CCDC7: variants seen among roughly 807,000 people sequenced by gnomAD.
CCDC7 encodes coiled-coil domain-containing protein 7.
In CCDC7, 183 loss-of-function variants were observed where a neutral mutation model predicts 196.9. The ratio of observed to expected loss-of-function variants is 0.93; its 90% CI spans 0.82 to 1.05. The LOEUF (loss-of-function observed/expected upper bound fraction) is 1.05, where lower values mean the gene tolerates loss of function less well. Among genes scored for constraint, CCDC7 ranks in the 50% least tolerant of loss-of-function variants. The pLI, the probability that CCDC7 is intolerant of heterozygous loss-of-function variation, is 0.00. For missense variants in CCDC7, 1,540 were observed against 1,482.2 expected, an observed-to-expected ratio of 1.04 and a Z score of -0.64; for synonymous variants, 525 against 484.6, an observed-to-expected ratio of 1.08 and a Z score of -1.10.
At chr10:32,734,667 G>A (rs900254915) in intron 28 of CCDC7, among the ~76,000 whole-genome samples, 1 of 152,170 alleles carries the variant, frequency 6.6e-6, no homozygotes, top group Admixed American at 6.5e-5. Flanking sequence ...GGCTGAGGCG[G>A]GCAGATTGCC....
chr10:32,767,570 A>G (rs2078514913), intron 28 of CCDC7, among the ~76,000 whole-genome samples: 3 of 151,972 alleles, frequency 2.0e-5, no homozygotes, highest in Admixed American at 2.0e-4. Context: ...TCCCTGCAGG[A>G]ACATCAAATT....
chr10:32,599,471 A>G (rs958976922), intron 18 of CCDC7, among the ~76,000 whole-genome samples: 7 of 152,026 alleles, frequency 4.6e-5, no homozygotes, highest in African/African-American at 1.7e-4. Context: ...TGTTTTCAGT[A>G]TGTTTTAAGC....
chr10:32,862,126 T>C (rs1273846985), intron 41 of CCDC7, among the ~76,000 whole-genome samples: 2 of 152,210 alleles, frequency 1.3e-5, no homozygotes, highest in Non-Finnish European at 2.9e-5. Context: ...TGTATGTTTA[T>C]TGCAGCACTA....
chr10:32,573,464 G>C (rs2057822962), intron 16 of CCDC7, among the ~76,000 whole-genome samples: 1 of 152,146 alleles, frequency 6.6e-6, no homozygotes, highest in Non-Finnish European at 1.5e-5. Context: ...ATGAAGACAT[G>C]GTAAGGCAGT....
At chr10:32,644,624 G>C (rs984260325) in intron 20 of CCDC7, among the ~76,000 whole-genome samples, 1 of 152,160 alleles carries the variant, frequency 6.6e-6, no homozygotes, top group African/African-American at 2.4e-5. Flanking sequence ...TTGTGGGAGG[G>C]ACCCAGTGGG....
At chr10:32,488,014 T>C (rs907940575) in intron 8 of CCDC7, among the ~76,000 whole-genome samples, 5 of 152,212 alleles carry the variant, frequency 3.3e-5, no homozygotes, top group Non-Finnish European at 5.9e-5. Flanking sequence ...TTCAAAGCTG[T>C]CAGACAGGGA....
At chr10:32,734,596 T>G (rs902168121) in intron 28 of CCDC7, among the ~76,000 whole-genome samples, 3 of 152,000 alleles carry the variant, frequency 2.0e-5, no homozygotes, top group Admixed American at 6.6e-5. Context: ...AAAATGAAAG[T>G]TAAAAATAAA....
At chr10:32,873,276 T>G (rs906535335) in intron 41 of CCDC7, among the ~76,000 whole-genome samples, 6 of 152,070 alleles carry the variant, frequency 3.9e-5, no homozygotes, top group Non-Finnish European at 8.8e-5. Context: ...TCGCTTCTTT[T>G]TATTCATTTG....
chr10:32,456,524 A>T (rs551570509), intron 3 of CCDC7, among the ~76,000 whole-genome samples, 190 bp downstream of exon 4: 1 of 152,172 alleles, frequency 6.6e-6, no homozygotes, highest in East Asian at 1.9e-4. Flanking sequence ...GGTTTTTACT[A>T]TGCCCAAATG....
exon 11 of CCDC7, chr10:32,518,450 T>C (rs2047390021): frequency 6.2e-7 from 1 of 1,606,608 alleles, no homozygotes; most frequent in African/African-American, 1.3e-5. Flanking sequence ...TTTCAGTTGT[T>C]ATCAGAAGAG....
At chr10:32,878,637 G>A (rs1044851679), downstream of CCDC7, among the ~76,000 whole-genome samples, 2 of 152,164 alleles carry the variant, frequency 1.3e-5, no homozygotes, top group Admixed American at 6.5e-5. Context: ...GCTACTCCCA[G>A]ATTATGAGGT....
chr10:32,764,897 T>C (rs1187437694), intron 28 of CCDC7, among the ~76,000 whole-genome samples: 1 of 152,072 alleles, frequency 6.6e-6, no homozygotes, highest in Non-Finnish European at 1.5e-5. Flanking sequence ...GTTACCATAA[T>C]GGAAATCAAA....
At chr10:32,719,348 T>A (rs1381088571) in intron 25 of CCDC7, among the ~76,000 whole-genome samples, 3 of 152,152 alleles carry the variant, frequency 2.0e-5, no homozygotes, top group Non-Finnish European at 2.9e-5. Context: ...CTGGACCCCT[T>A]CCTTACATCT....
chr10:32,768,634 A>G (rs948832993), intron 28 of CCDC7, among the ~76,000 whole-genome samples: 3 of 152,052 alleles, frequency 2.0e-5, no homozygotes, highest in African/African-American at 7.2e-5. Context: ...TGTGTTTAGT[A>G]CGATGTTGGC....
intron 9 of CCDC7, among the ~76,000 whole-genome samples, chr10:32,500,669 T>C (rs1287197139): frequency 6.6e-6 from 1 of 152,128 alleles, no homozygotes; most frequent in Non-Finnish European, 1.5e-5. Context: ...GGCTGCAATC[T>C]CGGCACTTTG....
chr10:32,474,123 C>T, intron 8 of CCDC7, 100 bp downstream of exon 9: 1 of 1,211,796 alleles, frequency 8.3e-7, no homozygotes, highest in Non-Finnish European at 1.1e-6. Context: ...GACTCCTTGC[C>T]TTGGAGTTTG....
chr10:32,724,218 TC>T (rs1442890897), intron 25 of CCDC7, among the ~76,000 whole-genome samples: 1 of 152,082 alleles, frequency 6.6e-6, no homozygotes, highest in Admixed American at 6.6e-5. Context: ...ACTCCCAGAC[TC>T]TTGCAAAGGA....
At chr10:32,868,857 T>C (rs931570320) in intron 41 of CCDC7, among the ~76,000 whole-genome samples, 2 of 152,008 alleles carry the variant, frequency 1.3e-5, no homozygotes, top group Non-Finnish European at 2.9e-5. Context: ...CTGAGAATGA[T>C]GGTTTCCAGC....
chr10:32,653,797 T>C (rs1377982987), intron 20 of CCDC7, among the ~76,000 whole-genome samples: 1 of 152,232 alleles, frequency 6.6e-6, no homozygotes, highest in Non-Finnish European at 1.5e-5. Context: ...CTATGATACA[T>C]GTATGTGTGG....
Sources: allele counts gnomAD v4.1 joint callset (sites outside exome capture counted in the v4.1 genomes callset), GRCh38; gene constraint gnomAD v4.1.1; transcripts MANE v1.5; gene names NCBI Gene and HGNC (gene_info 2026-07-23, HGNC 2026-07-21).